SLC30A6: variants seen among roughly 807,000 people sequenced by gnomAD.
The protein encoded by SLC30A6 is zinc transporter 6.
Under a neutral mutation model 63.0 loss-of-function variants are expected in SLC30A6, and 55 were observed. That is an observed-to-expected ratio of 0.87 (90% CI 0.70 to 1.09). The LOEUF (loss-of-function observed/expected upper bound fraction) is 1.09, where lower values mean the gene tolerates loss of function less well. SLC30A6 is among the 50% of genes least tolerant of loss of function. The pLI, the probability that SLC30A6 is intolerant of heterozygous loss-of-function variation, is 0.00. For synonymous variants in SLC30A6, 224 were observed against 186.1 expected, an observed-to-expected ratio of 1.20 and a Z score of -1.66; for missense variants, 587 against 549.2, an observed-to-expected ratio of 1.07 and a Z score of -0.69.
chr2:32,204,565 ATTTAGAATTGTTTTTTCCT>A lies in SLC30A6; in HGVS notation c.666-19_666-1del. The A allele has an allele frequency of 6.5e-7, 1 of 1,526,938 alleles. No individual in the cohort carries two copies. Among genetic ancestry groups the A allele is most frequent in the Non-Finnish European group, 9.0e-7 (1 of 1,105,254 alleles). 94.6% of individuals were successfully genotyped at this position (1,526,938 alleles called of 1,614,324 possible). On this transcript the variant is annotated splice_polypyrimidine_tract_variant and splice_region_variant and intron_variant, in intron 10 of 13. Coordinates refer to ENST00000282587, the MANE Select transcript of SLC30A6 (RefSeq NM_017964.5). Reference sequence around the variant, plus strand: ...ATGCCCAGTGAGATATAAATTTAAAATTTAGAATTGTTTTTTCCTTTTAGTAATTATTTTGCCGTAGACA... The same window carrying A: ...ATGCCCAGTGAGATATAAATTTAAAATTTAGTAATTATTTTGCCGTAGACA...
Position 32,171,326 on chromosome 2 carries a change from T to C in SLC30A6, c.43T>C (p.Phe15Leu). 6.2e-7 allele frequency: 1 copy of C among 1,613,868 alleles called. No individual in the cohort carries two copies. Among genetic ancestry groups the C allele is most frequent in the South Asian group, 1.1e-5 (1 of 91,076 alleles). Reference sequence around the variant, plus strand: ...CTTTCGAAAACCACAAAGATCCTTTTTTGGCAAGTTGTTACGGGAATTTAG... The same window carrying C: ...CTTTCGAAAACCACAAAGATCCTTTCTTGGCAAGTTGTTACGGGAATTTAG... ...HLFRKPQRSFFGKLLREFRLV... is the reference protein window; with the variant it reads ...HLFRKPQRSFLGKLLREFRLV... Residue 15 changes from phenylalanine to leucine, a missense_variant, in exon 2 of 14, where the codon TTT becomes CTT. Phe to Leu is a conservative substitution (Grantham distance 22). Coordinates refer to ENST00000282587, the MANE Select transcript of SLC30A6 (RefSeq NM_017964.5).
intron 1 of SLC30A6, among the ~76,000 whole-genome samples, chr2:32,169,775 C>T (rs969345021): frequency 7.2e-5 from 11 of 152,136 alleles, no homozygotes; most frequent in African/African-American, 2.4e-4. Context: ...AACTGAGGTT[C>T]AAGAGATGGA....
intron 13 of SLC30A6, 33 bp downstream of exon 13, chr2:32,209,594 T>C (rs771157575): frequency 1.3e-6 from 2 of 1,512,936 alleles, no homozygotes; most frequent in East Asian, 2.3e-5. Flanking sequence ...TTAGTTATAA[T>C]TTAAAATATA....
chr2:32,209,381 G>A, intron 12 of SLC30A6, 112 bp from the exon 13 acceptor site: 1 of 748,830 alleles, frequency 1.3e-6, no homozygotes, highest in Non-Finnish European at 2.2e-6. Context: ...GAGTGTCCTT[G>A]TGCAGGATTT....
rs1315346150 is a variant in SLC30A6, at chr2:32,174,103, G to A, written c.131G>A (p.Cys44Tyr). The change falls in exon 3 of 14, where the codon TGT (cysteine) becomes TAT (tyrosine). Residue 44 changes from cysteine to tyrosine, a missense_variant. Cys to Tyr is a radical substitution (Grantham distance 194, BLOSUM62 -2). Transcript: ENST00000282587. Reference protein sequence around the residue: ...ILLFGVINLICTGFLLMWCSS... With the variant: ...ILLFGVINLIYTGFLLMWCSS... ...CTCTTTGGTGTAATAAACTTGATAT[G>A]TACTGGCTTCCTGCTTATGTGGTGC... The A allele has an allele frequency of 1.2e-6, 2 of 1,613,704 alleles. No homozygotes were observed. Among genetic ancestry groups the A allele is most frequent in the Non-Finnish European group, 1.7e-6 (2 of 1,179,802 alleles).
intron 7 of SLC30A6, 129 bp from the exon 8 acceptor site, chr2:32,193,760 T>C: frequency 1.5e-6 from 1 of 667,240 alleles, no homozygotes; most frequent in Non-Finnish European, 2.6e-6. Flanking sequence ...AGATTCTGTA[T>C]CTGGAAACAC....
chr2:32,210,385 C>G (rs906191316), intron 13 of SLC30A6, among the ~76,000 whole-genome samples: 2 of 151,828 alleles, frequency 1.3e-5, no homozygotes, highest in African/African-American at 4.8e-5. Flanking sequence ...GGGTGTGGCA[C>G]ACGCCTGTAA....
At chr2:32,199,435 A>T (rs191179743) in intron 10 of SLC30A6, among the ~76,000 whole-genome samples, 1 of 152,326 alleles carries the variant, frequency 6.6e-6, no homozygotes, top group East Asian at 1.9e-4. Flanking sequence ...TTTTGTAGGC[A>T]CATAGTAGGT....
At chr2:32,198,951 C>T (rs893785195) in intron 10 of SLC30A6, among the ~76,000 whole-genome samples, 4 of 152,166 alleles carry the variant, frequency 2.6e-5, no homozygotes, top group African/African-American at 9.7e-5. Context: ...TTTCCTCCTG[C>T]CTTCCTTAAA....
At chr2:32,197,591 G>T in intron 9 of SLC30A6, 116 bp from the exon 10 acceptor site, 2 of 1,453,296 alleles carry the variant, frequency 1.4e-6, no homozygotes, top group Non-Finnish European at 1.9e-6. Flanking sequence ...AATCCTCTTT[G>T]CTTTCTTTAA....
chr2:32,189,967 A>G (rs1411661033), intron 5 of SLC30A6, among the ~76,000 whole-genome samples: 2 of 151,760 alleles, frequency 1.3e-5, no homozygotes, highest in Non-Finnish European at 2.9e-5. Flanking sequence ...GTTTTAAGTT[A>G]TTTTCCTTAT....
chr2:32,214,511 A>G (rs1303399448), intron 13 of SLC30A6: 1 of 152,162 alleles, frequency 6.6e-6, no homozygotes, highest in Non-Finnish European at 1.5e-5. Flanking sequence ...AGGCCATACT[A>G]ATCTTCTCTG....
intron 11 of SLC30A6, among the ~76,000 whole-genome samples, chr2:32,205,693 GTC>G (rs1379106696): frequency 8.7e-6 from 1 of 115,008 alleles, no homozygotes. Flanking sequence ...TTGAGACAGA[GTC>G]TCTCTCTCTT....
At chr2:32,186,240 G>C (rs949389604) in intron 5 of SLC30A6, among the ~76,000 whole-genome samples, 1 of 152,166 alleles carries the variant, frequency 6.6e-6, no homozygotes, top group Non-Finnish European at 1.5e-5. Flanking sequence ...TCGCCATGTT[G>C]GTCAACCTGG....
chr2:32,181,632 C>T (rs998924367), intron 4 of SLC30A6, among the ~76,000 whole-genome samples: 13 of 151,948 alleles, frequency 8.6e-5, no homozygotes, highest in African/African-American at 1.7e-4. Flanking sequence ...TTTGGGAGTC[C>T]GAGGCTGGCA....
chr2:32,197,642 C>G (rs1282857393), intron 9 of SLC30A6, 65 bp from the exon 10 acceptor site: 142 of 1,601,576 alleles, frequency 8.9e-5, no homozygotes, highest in Non-Finnish European at 1.2e-4. Flanking sequence ...TTATCTTTTA[C>G]AAGGTTGTCA....
rs756990095 is a variant in SLC30A6, at chr2:32,202,788, C to T, written c.666-1802C>T. On this transcript the variant is annotated intron_variant, in intron 10 of 13. Coordinates refer to ENST00000282587, the MANE Select transcript of SLC30A6 (RefSeq NM_017964.5). ...GACTTTACTTTTTTCTGCAGCTCGC[C>T]CACAGTGGGTATGCAAAGTTGCAAA... is the stretch of plus-strand genomic sequence containing the variant. 1.7e-4 allele frequency: 128 copies of T among 734,546 alleles called. 2 individuals carry two copies. In the Middle Eastern group the frequency reaches 5.4e-3, roughly 31 times the overall value. 45.5% of individuals were successfully genotyped at this position (734,546 alleles called of 1,614,324 possible).
chr2:32,174,240 C>A, intron 3 of SLC30A6, 93 bp downstream of exon 3: 1 of 878,020 alleles, frequency 1.1e-6, no homozygotes, highest in Non-Finnish European at 1.7e-6. Context: ...ATATATTATT[C>A]TGAAATGTAT....
intron 8 of SLC30A6, among the ~76,000 whole-genome samples, chr2:32,194,578 G>A (rs1683611270): frequency 6.6e-6 from 1 of 152,148 alleles, no homozygotes; most frequent in Admixed American, 6.5e-5. Flanking sequence ...AAAAGAGTTA[G>A]CCACTAAGAG....
Sources: gnomAD v4.1 joint callset for allele counts (sites outside exome capture counted in the v4.1 genomes callset) on GRCh38, gnomAD v4.1.1 for gene constraint, MANE v1.5 for transcripts, NCBI Gene and HGNC (gene_info 2026-07-23, HGNC 2026-07-21) for gene names.